CERS3: variants seen among roughly 807,000 people sequenced by gnomAD.
CERS3 encodes LAG1 homolog, ceramide synthase 3.
Under a neutral mutation model 50.3 loss-of-function variants are expected in CERS3, and 33 were observed. The ratio of observed to expected loss-of-function variants is 0.66; its 90% confidence interval spans 0.50 to 0.88. The LOEUF (loss-of-function observed/expected upper bound fraction) is 0.88, where lower values mean the gene tolerates loss of function less well. Among genes scored for constraint, CERS3 ranks in the 40% least tolerant of loss-of-function variants. The probability of loss-of-function intolerance (pLI) is 0.00; values close to 1 mark genes in which losing one functional copy is unlikely to be tolerated. For missense variants in CERS3, 470 were observed against 460.3 expected, an observed-to-expected ratio of 1.02 and a Z score of -0.19; for synonymous variants, 176 against 155.2, an observed-to-expected ratio of 1.13 and a Z score of -0.99.
intron 11 of CERS3, among the ~76,000 whole-genome samples, chr15:100,407,806 T>C (rs1293642491): frequency 1.3e-5 from 2 of 152,232 alleles, no homozygotes; most frequent in African/African-American, 4.8e-5. Context: ...ATTTAAAGTA[T>C]ATAGGAGGCA....
At position 100,452,578 on chromosome 15, in the gene CERS3, A is replaced by G. The variant is rs73472019; in HGVS notation, c.999+3315T>C. On this transcript the variant is annotated intron_variant, in intron 11 of 11. Transcript: ENST00000679737. The stretch of plus-strand genomic sequence containing the variant: ...TAGAAAGATGTCATATAAAAAATCT[A>G]GTGATGCACTTCAATGAACTAGGAA... Among the ~76,000 whole-genome samples, 853 of 152,286 alleles carry G rather than the reference A, an allele frequency of 5.6e-3. 12 individuals carry two copies. The highest frequency in any genetic ancestry group is 0.02 in the African/African-American group (815 of 41,596).
chr15:100,539,754 C>G (rs140773838), intron 1 of CERS3, among the ~76,000 whole-genome samples: 1 of 152,338 alleles, frequency 6.6e-6, no homozygotes, highest in African/African-American at 2.4e-5. Context: ...GGCTTGGTCA[C>G]TCTTTGATCA....
chr15:100,407,105 C>A (rs1031423935), intron 11 of CERS3, among the ~76,000 whole-genome samples: 2 of 152,168 alleles, frequency 1.3e-5, no homozygotes, highest in Non-Finnish European at 2.9e-5. Flanking sequence ...AGTTACAATT[C>A]AAGATGAGTT....
At chr15:100,453,104 T>TC (rs1032366040) in intron 11 of CERS3, among the ~76,000 whole-genome samples, 1 of 112,804 alleles carries the variant, frequency 8.9e-6, no homozygotes, top group African/African-American at 2.8e-5. Flanking sequence ...CTTAAACTAT[T>TC]CAAAAAAAAA....
intron 11 of CERS3, among the ~76,000 whole-genome samples, chr15:100,427,942 G>A (rs576232000): frequency 4.6e-5 from 7 of 152,282 alleles, no homozygotes; most frequent in South Asian, 4.2e-4. Context: ...AGAGAGCCAC[G>A]TCACTAAGTG....
In CERS3 at chr15:100,496,088, G is replaced by A. The variant is rs368028329; in HGVS notation, c.174-5157C>T. Among the ~76,000 whole-genome samples, 144 of 152,208 alleles carry A rather than the reference G, an allele frequency of 9.5e-4. 1 individual carries two copies. The South Asian group carries it at 0.012, about 13-fold the overall frequency. On this transcript the variant is annotated intron_variant, in intron 3 of 11. Transcript: ENST00000679737. ...TGTTTCTGAGGCTCACTCATGTCACGGCATGTATTTGTAGTGCATTCCTCT... is the reference window on the plus strand; with the variant it reads ...TGTTTCTGAGGCTCACTCATGTCACAGCATGTATTTGTAGTGCATTCCTCT...
intron 4 of CERS3, among the ~76,000 whole-genome samples, chr15:100,490,239 T>C (rs947145883): frequency 7.9e-5 from 12 of 152,326 alleles, no homozygotes; most frequent in African/African-American, 2.6e-4. Context: ...TATTTAAGCA[T>C]GCAGTGCACT....
At position 100,421,468 on chromosome 15, in the gene CERS3, T is replaced by C. The variant is rs151043657; in HGVS notation, c.1000-18603A>G. ...CAAATGGAAGAACATTCCATGCTCA[T>C]GGGTAGGAAGAAACAATATCGTGAA... On this transcript the variant is annotated intron_variant, in intron 11 of 11. Transcript: ENST00000679737. Among the ~76,000 whole-genome samples the C allele has an allele frequency of 4.4e-3, 663 of 152,168 alleles. 7 individuals carry two copies. Among genetic ancestry groups the C allele is most frequent in the African/African-American group, 0.015 (605 of 41,448 alleles).
intron 1 of CERS3, among the ~76,000 whole-genome samples, chr15:100,537,840 C>G (rs2037109505): frequency 6.6e-6 from 1 of 152,184 alleles, no homozygotes; most frequent in African/African-American, 2.4e-5. Flanking sequence ...TTAATTCATT[C>G]CAGCATTAAC....
At chr15:100,403,048 T>C (rs1411249944) in intron 11 of CERS3, among the ~76,000 whole-genome samples, 183 bp from the exon 12 acceptor site, 1 of 152,124 alleles carries the variant, frequency 6.6e-6, no homozygotes, top group African/African-American at 2.4e-5. Context: ...ACCTAAATAA[T>C]TGACATTACA....
At chr15:100,491,927 T>C (rs1264593981) in intron 3 of CERS3, among the ~76,000 whole-genome samples, 2 of 152,050 alleles carry the variant, frequency 1.3e-5, no homozygotes, top group Non-Finnish European at 2.9e-5. Flanking sequence ...GGTTTTGCTA[T>C]GTTGCCCAGG....
chr15:100,536,775 A>G (rs1359194445), intron 1 of CERS3, among the ~76,000 whole-genome samples: 1 of 152,200 alleles, frequency 6.6e-6, no homozygotes, highest in Non-Finnish European at 1.5e-5. Flanking sequence ...ACCTCAGTCA[A>G]TGTTCCATGT....
At chr15:100,453,355 TA>T (rs1374688405) in intron 11 of CERS3, among the ~76,000 whole-genome samples, 1 of 151,854 alleles carries the variant, frequency 6.6e-6, no homozygotes, top group South Asian at 2.1e-4. Flanking sequence ...TATAAACAAA[TA>T]AAAAAATGTG....
chr15:100,470,428 C>T (rs925699084), intron 9 of CERS3, among the ~76,000 whole-genome samples: 22 of 152,064 alleles, frequency 1.4e-4, no homozygotes, highest in Non-Finnish European at 3.1e-4. Flanking sequence ...TGGCAGAGGG[C>T]CCCCAGAGAA....
chr15:100,435,894 G>T (rs1310887498), intron 11 of CERS3, among the ~76,000 whole-genome samples: 2 of 152,166 alleles, frequency 1.3e-5, no homozygotes, highest in Non-Finnish European at 2.9e-5. Context: ...CACTGGTCAT[G>T]AGAGAAATGC....
intron 11 of CERS3, among the ~76,000 whole-genome samples, chr15:100,415,195 G>C (rs2031805193): frequency 6.6e-6 from 1 of 152,222 alleles, no homozygotes; most frequent in Admixed American, 6.5e-5. Context: ...CTGATCATTA[G>C]AGAACTGCAA....
chr15:100,522,244 C>G (rs1275478892), intron 1 of CERS3, among the ~76,000 whole-genome samples: 2 of 152,156 alleles, frequency 1.3e-5, no homozygotes, highest in Non-Finnish European at 2.9e-5. Context: ...TTCAAAGGAC[C>G]AGTTGTAAAC....
chr15:100,423,321 A>G (rs987923699), intron 11 of CERS3, among the ~76,000 whole-genome samples: 2 of 152,214 alleles, frequency 1.3e-5, no homozygotes, highest in African/African-American at 4.8e-5. Context: ...ATGCACTCAT[A>G]TGTTCATCAT....
At chr15:100,483,776 T>C (rs2035390768) in intron 5 of CERS3, among the ~76,000 whole-genome samples, 1 of 24,096 alleles carries the variant, frequency 4.2e-5, no homozygotes, top group African/African-American at 1.2e-4. Flanking sequence ...ATAATAATAA[T>C]TATTATTATT....
Sources: allele counts gnomAD v4.1 joint callset (sites outside exome capture counted in the v4.1 genomes callset), GRCh38; gene constraint gnomAD v4.1.1; transcripts MANE v1.5; gene names NCBI Gene and HGNC (gene_info 2026-07-23, HGNC 2026-07-21).